PCDH15: variants seen among roughly 807,000 people sequenced by gnomAD.
PCDH15 encodes protocadherin-15.
PCDH15 carries 129 observed loss-of-function variants against 178.5 expected under a neutral mutation model. The ratio of observed to expected loss-of-function variants is 0.72; its 90% confidence interval spans 0.63 to 0.84. PCDH15 has a LOEUF of 0.84. Ranked by LOEUF, PCDH15 falls within the 40% of genes least tolerant of loss-of-function variation. PCDH15 has a pLI of 0.00. For missense variants in PCDH15, 2,230 were observed against 2,099.9 expected (o/e 1.06, Z -1.21); for synonymous variants, 800 against 732.0 (o/e 1.09, Z -1.50).
intron 20 of PCDH15, among the ~76,000 whole-genome samples, chr10:54,011,824 A>G (rs1195076516): frequency 2.6e-5 from 4 of 152,210 alleles, no homozygotes; most frequent in Non-Finnish European, 5.9e-5. Flanking sequence ...AAAGAACATC[A>G]GCGAACACAG....
intron 2 of PCDH15, chr10:54,606,502 CTAGT>C (rs1356112911): frequency 1.3e-5 from 2 of 152,114 alleles, no homozygotes; most frequent in Non-Finnish European, 2.9e-5. Context: ...AGATGCTTCT[CTAGT>C]TTGTGTCCTT....
chr10:53,957,693 T>C (rs539543008), intron 23 of PCDH15, among the ~76,000 whole-genome samples: 1 of 152,140 alleles, frequency 6.6e-6, no homozygotes, highest in South Asian at 2.1e-4. Flanking sequence ...TTCCACTTAA[T>C]ATTTTCTGAC....
At chr10:53,883,841 G>A (rs1181632522) in intron 26 of PCDH15, among the ~76,000 whole-genome samples, 1 of 152,048 alleles carries the variant, frequency 6.6e-6, no homozygotes, top group East Asian at 1.9e-4. Context: ...TCAGCCTCCC[G>A]AGTAGCTGGG....
At chr10:55,377,627 A>C (rs1186423072) in intron 2 of PCDH15, among the ~76,000 whole-genome samples, 1 of 151,998 alleles carries the variant, frequency 6.6e-6, no homozygotes, top group African/African-American at 2.4e-5. Flanking sequence ...TTTATATTTG[A>C]CCTTTACATA....
At chr10:55,419,160 G>A (rs142537982) in intron 2 of PCDH15, among the ~76,000 whole-genome samples, 1 of 151,812 alleles carries the variant, frequency 6.6e-6, no homozygotes, top group Non-Finnish European at 1.5e-5. Context: ...GTGAACAAAT[G>A]TGAGATGGCT....
chr10:55,574,966 T>TA (rs1157422918), intron 2 of PCDH15, among the ~76,000 whole-genome samples: 1 of 152,102 alleles, frequency 6.6e-6, no homozygotes, highest in Admixed American at 6.6e-5. Flanking sequence ...TAGTTATCTC[T>TA]ATATATACTT....
intron 18 of PCDH15, among the ~76,000 whole-genome samples, chr10:54,044,745 G>C (rs1242909464): frequency 6.6e-6 from 1 of 152,118 alleles, no homozygotes; most frequent in Non-Finnish European, 1.5e-5. Context: ...AGCCAAGAAG[G>C]CTATTGCTGG....
chr10:55,142,728 A>ATG (rs1838389209), intron 2 of PCDH15, among the ~76,000 whole-genome samples: 1 of 151,242 alleles, frequency 6.6e-6, no homozygotes, highest in South Asian at 2.1e-4. Context: ...ACTGAATAAA[A>ATG]CTCAGGTTCA....
At chr10:55,323,913 T>C (rs553858860), upstream of PCDH15, among the ~76,000 whole-genome samples, 1 of 152,078 alleles carries the variant, frequency 6.6e-6, no homozygotes, top group Non-Finnish European at 1.5e-5. Context: ...AATCTCACCT[T>C]GAATTGTAAT....
At chr10:55,547,026 A>G (rs1359797116) in intron 2 of PCDH15, among the ~76,000 whole-genome samples, 1 of 152,156 alleles carries the variant, frequency 6.6e-6, no homozygotes, top group African/African-American at 2.4e-5. Context: ...AAAATCTCAG[A>G]AAGTCTGATA....
chr10:54,726,745 A>C (rs1448823892), intron 1 of PCDH15, among the ~76,000 whole-genome samples: 1 of 151,348 alleles, frequency 6.6e-6, no homozygotes, highest in Non-Finnish European at 1.5e-5. Context: ...TGACTACAAA[A>C]ATTTTGAAAA....
In PCDH15 at chr10:54,573,792, C is replaced by T. The variant is rs7077960; in HGVS notation, c.92-45915G>A. ...ATCCTAGATTAAAGGAGGAAAACAGCGTCCTGTGAACACTAGCCTCAGGTG... is the reference window on the plus strand; with the variant it reads ...ATCCTAGATTAAAGGAGGAAAACAGTGTCCTGTGAACACTAGCCTCAGGTG... On this transcript the variant is annotated intron_variant, in intron 2 of 37. Coordinates refer to ENST00000644397, the MANE Select transcript of PCDH15 (RefSeq NM_001384140.1). 2.0e-3 allele frequency among the ~76,000 whole-genome samples: 307 copies of T among 152,246 alleles called. 1 individual carries two copies. Among genetic ancestry groups the T allele is most frequent in the African/African-American group, 7.2e-3 (299 of 41,538 alleles).
At chr10:54,050,926 T>C (rs1299528305) in intron 18 of PCDH15, among the ~76,000 whole-genome samples, 1 of 152,176 alleles carries the variant, frequency 6.6e-6, no homozygotes, top group African/African-American at 2.4e-5. Context: ...GTTCTCGTGA[T>C]AGTAATTGAG....
In PCDH15 at chr10:55,262,442, C is replaced by T. The variant is rs570199183; in HGVS notation, c.-156+57157G>A. Among the ~76,000 whole-genome samples the T allele has an allele frequency of 3.9e-5, 6 of 152,230 alleles. No homozygotes were observed. In the South Asian group the frequency reaches 1.2e-3, roughly 32 times the overall value. ...CCTGTGCTTATAAAAACACTGAGAC[C>T]CTAGCGGGCAGAGACACACAGGCGG... is the stretch of plus-strand genomic sequence containing the variant. On this transcript the variant is annotated intron_variant, in intron 1 of 5. Transcript: ENST00000458638.
intron 2 of PCDH15, among the ~76,000 whole-genome samples, chr10:55,592,256 C>G (rs1265527927): frequency 6.6e-6 from 1 of 152,142 alleles, no homozygotes; most frequent in East Asian, 1.9e-4. Flanking sequence ...CCAGGGCTCC[C>G]TTACTGCCTG....
Position 54,183,545 on chromosome 10 carries a change from T to C in PCDH15, c.1489A>G (p.Ile497Val), listed in dbSNP as rs759034797. 3 of 1,614,038 alleles carry C rather than the reference T, an allele frequency of 1.9e-6. No individual in the cohort carries two copies. Among genetic ancestry groups the C allele is most frequent in the Middle Eastern group, 1.7e-4 (1 of 6,060 alleles). Residue 497 changes from isoleucine (I) to valine (V), a missense_variant, in exon 13 of 38, where the codon ATT becomes GTT. Coordinates refer to ENST00000644397, the MANE Select transcript of PCDH15 (RefSeq NM_001384140.1). ...TTATCATTTGCATCCATCACTTGAA[T>C]ATTGACGATGACTGGCTCACTTTCT... ...VQESEPVIVN[I>V]QVMDANDNTP...
intron 13 of PCDH15, among the ~76,000 whole-genome samples, chr10:54,179,455 A>G (rs1342235361): frequency 6.6e-6 from 1 of 151,426 alleles, no homozygotes; most frequent in Non-Finnish European, 1.5e-5. Flanking sequence ...GCATTAGGAG[A>G]TATACCTAAT....
chr10:54,481,159 C>T (rs1258961377), intron 3 of PCDH15, among the ~76,000 whole-genome samples: 1 of 151,870 alleles, frequency 6.6e-6, no homozygotes, highest in East Asian at 1.9e-4. Context: ...ATATGAATAG[C>T]ACAGTCATAT....
intron 2 of PCDH15, among the ~76,000 whole-genome samples, chr10:55,462,866 A>C (rs184006997): frequency 1.0e-3 from 156 of 152,262 alleles, no homozygotes; most frequent in African/African-American, 3.7e-3. Context: ...AAGTAATATA[A>C]AGTGTGCATC....
Sources: gnomAD v4.1 joint callset for allele counts (sites outside exome capture counted in the v4.1 genomes callset) on GRCh38, gnomAD v4.1.1 for gene constraint, MANE v1.5 for transcripts, NCBI Gene and HGNC (gene_info 2026-07-23, HGNC 2026-07-21) for gene names.